Variants in KDM7A observed in about 807,000 individuals in gnomAD.
The protein encoded by KDM7A is lysine demethylase 7A, also known as lysine-specific demethylase 7A.
KDM7A carries 28 observed loss-of-function variants against 114.8 expected under a neutral mutation model. The ratio of observed to expected loss-of-function variants is 0.24; its 90% CI spans 0.18 to 0.33. The LOEUF (loss-of-function observed/expected upper bound fraction) is 0.33, where lower values mean the gene tolerates loss of function less well. Among genes scored for constraint, KDM7A ranks in the 10% least tolerant of loss-of-function variants. The pLI is 1.00. For synonymous variants in KDM7A, 423 were observed against 397.8 expected (o/e 1.06, Z -0.75); for missense variants, 942 against 1,142.5 (o/e 0.82, Z 2.53).
intron 1 of KDM7A, among the ~76,000 whole-genome samples, chr7:140,157,029 T>C (rs984646592): frequency 6.6e-6 from 1 of 152,204 alleles, no homozygotes; most frequent in Non-Finnish European, 1.5e-5. Context: ...CAAAATGGCA[T>C]AATAAATAGT....
intron 7 of KDM7A, among the ~76,000 whole-genome samples, chr7:140,122,371 T>C (rs1818629821): frequency 1.3e-5 from 2 of 152,176 alleles, no homozygotes; most frequent in Admixed American, 1.3e-4. Context: ...GAATCATAAA[T>C]GTCAATTTAT....
intron 1 of KDM7A, among the ~76,000 whole-genome samples, chr7:140,156,448 A>T (rs940879580): frequency 1.3e-5 from 2 of 152,208 alleles, no homozygotes; most frequent in African/African-American, 4.8e-5. Context: ...TACTGGTTTA[A>T]GGTTGGAGTC....
chr7:140,145,288 G>A (rs1794328491), intron 1 of KDM7A, among the ~76,000 whole-genome samples: 1 of 152,126 alleles, frequency 6.6e-6, no homozygotes. Context: ...AGGATGACCC[G>A]TGAAATGTAA....
At chr7:140,156,086 G>T (rs1794454781) in intron 1 of KDM7A, among the ~76,000 whole-genome samples, 1 of 152,198 alleles carries the variant, frequency 6.6e-6, no homozygotes. Flanking sequence ...GAGGTTTCTA[G>T]TGTTTTGAAA....
At chr7:140,137,922 T>G (rs77212850) in intron 2 of KDM7A, among the ~76,000 whole-genome samples, 4 of 152,012 alleles carry the variant, frequency 2.6e-5, no homozygotes, top group Non-Finnish European at 2.9e-5. Context: ...CCAACCCAAG[T>G]GTGTATCAAG....
intron 1 of KDM7A, among the ~76,000 whole-genome samples, chr7:140,141,968 T>C (rs1794287021): frequency 6.7e-6 from 1 of 148,938 alleles, no homozygotes; most frequent in Admixed American, 6.7e-5. Context: ...TATATTTATA[T>C]AAAATAGGCT....
At chr7:140,118,520 C>T (rs538552031) in intron 9 of KDM7A, among the ~76,000 whole-genome samples, 134 of 152,134 alleles carry the variant, frequency 8.8e-4, no homozygotes, top group Middle Eastern at 6.8e-3. Context: ...TTCTTCCTGC[C>T]TCAGCCTCCC....
intron 1 of KDM7A, 30 bp from the exon 2 acceptor site, chr7:140,139,220 T>C (rs756082004): frequency 6.7e-7 from 1 of 1,501,434 alleles, no homozygotes; most frequent in Non-Finnish European, 9.3e-7. Flanking sequence ...AATCAGTATG[T>C]AAGTAAGTTG....
chr7:140,117,345 C>T (rs149930900), intron 9 of KDM7A, among the ~76,000 whole-genome samples: 1 of 152,042 alleles, frequency 6.6e-6, no homozygotes, highest in Non-Finnish European at 1.5e-5. Flanking sequence ...TGTGGCTTCA[C>T]GAGCAATGGC....
intron 1 of KDM7A, among the ~76,000 whole-genome samples, chr7:140,158,914 A>C (rs1330710321): frequency 1.3e-5 from 2 of 152,264 alleles, no homozygotes; most frequent in Admixed American, 6.5e-5. Context: ...AGGAAAGGAA[A>C]AAAACCAAAA....
At chr7:140,129,329 G>C (rs1022243095) in intron 4 of KDM7A, among the ~76,000 whole-genome samples, 164 bp downstream of exon 4, 18 of 152,266 alleles carry the variant, frequency 1.2e-4, no homozygotes, top group Non-Finnish European at 2.5e-4. Flanking sequence ...GACAGTTGTA[G>C]GTCTGCTGAG....
intron 6 of KDM7A, among the ~76,000 whole-genome samples, chr7:140,125,474 TATTTAA>T (rs1261863294): frequency 6.6e-6 from 1 of 152,268 alleles, no homozygotes; most frequent in African/African-American, 2.4e-5. Context: ...CCATTTTAAT[TATTTAA>T]ATTTAGTCAC....
intron 1 of KDM7A, among the ~76,000 whole-genome samples, chr7:140,170,636 G>C (rs1794628543): frequency 6.6e-6 from 1 of 152,300 alleles, no homozygotes; most frequent in Admixed American, 6.5e-5. Context: ...GTGACTGTGA[G>C]ACTTCAATGA....
chr7:140,085,483 C>A lies in KDM7A; in HGVS notation c.*5611G>T, dbSNP rs559036758. 1.7e-4 allele frequency: 26 copies of A among 152,162 alleles called. No individual in the cohort carries two copies. The highest frequency in any genetic ancestry group is 6.0e-4 in the African/African-American group (25 of 41,494). 9.4% of individuals were successfully genotyped at this position (152,162 alleles called of 1,614,324 possible). A position where few individuals can be genotyped will look rare whatever the true frequency, so the allele number is the denominator to read the frequency against. ...ATATTATATAATCTCTTAAAATGAA[C>A]CTTTTCACCCTCTTTCCACAGCATG... On this transcript the variant is annotated 3_prime_UTR_variant, in exon 20 of 20. Coordinates refer to ENST00000397560, the MANE Select transcript of KDM7A (RefSeq NM_030647.2).
intron 11 of KDM7A, among the ~76,000 whole-genome samples, chr7:140,104,958 T>C (rs975425736): frequency 6.6e-6 from 1 of 152,218 alleles, no homozygotes; most frequent in Non-Finnish European, 1.5e-5. Context: ...TGTCTTCTTT[T>C]ATTTTGTTGA....
intron 1 of KDM7A, among the ~76,000 whole-genome samples, chr7:140,175,688 T>TGGCTGCGGAGGCGGCCC (rs1794695336): frequency 2.0e-5 from 3 of 152,174 alleles, no homozygotes; most frequent in Non-Finnish European, 2.9e-5. Context: ...GTCGGCGGCC[T>TGGCTGCGGAGGCGGCCC]GGCTGCGGAG....
intron 2 of KDM7A, among the ~76,000 whole-genome samples, chr7:140,137,966 C>T (rs1189707839): frequency 1.3e-5 from 2 of 152,080 alleles, no homozygotes; most frequent in Non-Finnish European, 2.9e-5. Context: ...AATGACAAAG[C>T]CTATAATTTT....
chr7:140,113,698 A>G (rs1477133314), intron 9 of KDM7A, 116 bp from the exon 10 acceptor site: 1 of 470,572 alleles, frequency 2.1e-6, no homozygotes, highest in Non-Finnish European at 3.8e-6. Flanking sequence ...CTTCCAAATT[A>G]ATAAAAATAT....
At chr7:140,131,061 G>A (rs1404624980) in intron 3 of KDM7A, among the ~76,000 whole-genome samples, 1 of 151,672 alleles carries the variant, frequency 6.6e-6, no homozygotes, top group African/African-American at 2.4e-5. Flanking sequence ...TAGAGACAGG[G>A]TTTCACCGTG....
Sources: gnomAD v4.1 joint callset for allele counts (sites outside exome capture counted in the v4.1 genomes callset) on GRCh38, gnomAD v4.1.1 for gene constraint, MANE v1.5 for transcripts, NCBI Gene and HGNC (gene_info 2026-07-23, HGNC 2026-07-21) for gene names.